The following LGALS16 variants were observed in gnomAD, a reference collection of about 807,000 sequenced individuals.
The protein encoded by LGALS16 is galectin-16.
Under a neutral mutation model 13.2 loss-of-function variants are expected in LGALS16, and 15 were observed. That is an observed-to-expected ratio of 1.13 (90% CI 0.76 to 1.75). The LOEUF (loss-of-function observed/expected upper bound fraction) is 1.75, where lower values mean the gene tolerates loss of function less well. LGALS16 is among the 40% of genes most tolerant of loss of function. The probability of loss-of-function intolerance (pLI) is 0.00; values close to 1 mark genes in which losing one functional copy is unlikely to be tolerated. For synonymous variants in LGALS16, 66 were observed against 65.4 expected (o/e 1.01, Z -0.05); for missense variants, 198 against 178.4 (o/e 1.11, Z -0.63).
At chr19:39,657,781 C>G in intron 1 of LGALS16, 102 bp from the exon 2 acceptor site, 1 of 1,305,322 alleles carries the variant, frequency 7.7e-7, no homozygotes, top group Non-Finnish European at 1.1e-6. Context: ...GTCCACAGAG[C>G]CTGCCCTGTG....
At chr19:39,656,687 G>C (rs375700061) in intron 1 of LGALS16, among the ~76,000 whole-genome samples, 2 of 152,072 alleles carry the variant, frequency 1.3e-5, no homozygotes, top group Admixed American at 6.5e-5. Flanking sequence ...GTGGGGAAGA[G>C]GAATGGAGAC....
At chr19:39,657,584 T>G (rs1395676722) in intron 1 of LGALS16, among the ~76,000 whole-genome samples, 1 of 152,166 alleles carries the variant, frequency 6.6e-6, no homozygotes, top group African/African-American at 2.4e-5. Flanking sequence ...TAGGAATTCA[T>G]GATAATCCTC....
chr19:39,660,189 G>A (rs1341028363), intron 3 of LGALS16, among the ~76,000 whole-genome samples: 1 of 151,894 alleles, frequency 6.6e-6, no homozygotes, highest in Non-Finnish European at 1.5e-5. Context: ...AACTTCACTA[G>A]ATAAGAGGAA....
In LGALS16 at chr19:39,660,638, C is replaced by A. The variant is rs1973250986; in HGVS notation, c.*118C>A. Reference sequence around the variant, plus strand: ...CCTACACTTGGTCATTAAAACAGCACCAAACCGTACATGATTTGGTTCTTG... The same window carrying A: ...CCTACACTTGGTCATTAAAACAGCAACAAACCGTACATGATTTGGTTCTTG... On this transcript the variant is annotated 3_prime_UTR_variant, in exon 4 of 4. Coordinates refer to ENST00000392051, the MANE Select transcript of LGALS16 (RefSeq NM_001190441.3). 1 of 840,304 alleles carries A rather than the reference C, an allele frequency of 1.2e-6. No homozygotes were observed. The highest frequency in any genetic ancestry group is 1.8e-6 in the Non-Finnish European group (1 of 546,252). The allele number at this position is 840,304 out of a possible 1,614,324, so 52.1% of individuals were successfully genotyped here.
Position 39,658,507 on chromosome 19 carries a change from A to G in LGALS16, c.140A>G (p.Asp47Gly), listed in dbSNP as rs1199777667. ...QVDFYTEMNE[D>G]SEIAFHLRVH... ...GATTTCTACACTGAGATGAATGAGG[A>G]CTCAGAAATTGCCTTCCATTTGCGA... The change falls in exon 3 of 4, where the codon GAC (aspartate) becomes GGC (glycine). Residue 47 changes from aspartate (D) to glycine (G), a missense_variant. Physicochemically the swap from Asp to Gly is moderately conservative, Grantham distance 94. Transcript: ENST00000392051. 19 of 1,605,942 alleles carry G rather than the reference A, an allele frequency of 1.2e-5. No homozygotes were observed. The highest frequency in any genetic ancestry group is 1.5e-5 in the Non-Finnish European group (18 of 1,177,956).
At chr19:39,658,184 T>A (rs1211496887) in intron 2 of LGALS16, among the ~76,000 whole-genome samples, 5 of 152,180 alleles carry the variant, frequency 3.3e-5, no homozygotes, top group Non-Finnish European at 4.4e-5. Flanking sequence ...GGGTTGGGAC[T>A]GTGGCTCTTT....
chr19:39,660,558 T>C lies in LGALS16; in HGVS notation c.*38T>C. ...TTGTTGAGGAAACCCTCTTTCTACC[T>C]GACCATGGGATTCCTAGAGCCTGCT... On this transcript the variant is annotated 3_prime_UTR_variant, in exon 4 of 4. Transcript: ENST00000392051. The C allele has an allele frequency of 2.0e-6, 3 of 1,537,090 alleles. No individual in the cohort carries two copies. The East Asian group carries it at 7.1e-5, about 36-fold the overall frequency.
chr19:39,659,498 C>T (rs985326782), intron 3 of LGALS16, among the ~76,000 whole-genome samples: 2 of 152,166 alleles, frequency 1.3e-5, no homozygotes, highest in Non-Finnish European at 1.5e-5. Flanking sequence ...GTTGGTTTTT[C>T]ATCAAAGAAT....
Position 39,660,614 on chromosome 19 carries a change from C to T in LGALS16, c.*94C>T. The T allele has an allele frequency of 9.2e-7, 1 of 1,087,328 alleles. No homozygotes were observed. The highest frequency in any genetic ancestry group is 1.4e-5 in the South Asian group (1 of 68,996). The allele number at this position is 1,087,328 out of a possible 1,614,324, so 67.4% of individuals were successfully genotyped here. On this transcript the variant is annotated 3_prime_UTR_variant, in exon 4 of 4. Transcript: ENST00000392051. ...AATAATCCCTCCTCAACCCCTTCCCCTACACTTGGTCATTAAAACAGCACC... is the reference window on the plus strand; with the variant it reads ...AATAATCCCTCCTCAACCCCTTCCCTTACACTTGGTCATTAAAACAGCACC...
chr19:39,656,328 A>T (rs751439905), intron 1 of LGALS16, among the ~76,000 whole-genome samples: 2 of 151,940 alleles, frequency 1.3e-5, no homozygotes, highest in Non-Finnish European at 2.9e-5. Context: ...TTGTGATGTG[A>T]GTGTGTGTTA....
chr19:39,659,809 G>C (rs926457228), intron 3 of LGALS16, among the ~76,000 whole-genome samples: 5 of 152,172 alleles, frequency 3.3e-5, no homozygotes, highest in African/African-American at 1.2e-4. Context: ...TAGGCCAAAA[G>C]ATTCACATCT....
At position 39,656,059 on chromosome 19, in the gene LGALS16, A is replaced by G. The variant is rs375221540; in HGVS notation, c.15+83A>G. On this transcript the variant is annotated intron_variant, in intron 1 of 3. Transcript: ENST00000392051. Reference sequence around the variant, plus strand: ...GTGGGGTATTTTATGAGATGAAAATATGAGCATTCCTACTGTGAATGCTTT... The same window carrying G: ...GTGGGGTATTTTATGAGATGAAAATGTGAGCATTCCTACTGTGAATGCTTT... 3.9e-5 allele frequency: 55 copies of G among 1,415,428 alleles called. No homozygotes were observed. In the East Asian group the frequency reaches 1.0e-3, roughly 26 times the overall value. The allele number at this position is 1,415,428 out of a possible 1,614,324, so 87.7% of individuals were successfully genotyped here. A position where few individuals can be genotyped will look rare whatever the true frequency, so the allele number is the denominator to read the frequency against.
In LGALS16 at chr19:39,660,281, T is replaced by G. The variant is rs1973244842; in HGVS notation, c.304-114T>G. The G allele has an allele frequency of 5.0e-6, 5 of 1,005,876 alleles. No individual in the cohort carries two copies. In the South Asian group the frequency reaches 7.9e-5, roughly 16 times the overall value. The allele number at this position is 1,005,876 out of a possible 1,614,324, so 62.3% of individuals were successfully genotyped here. A position where few individuals can be genotyped will look rare whatever the true frequency, so the allele number is the denominator to read the frequency against. ...CAGAAGTGTATCTACAACATTCGCT[T>G]GTATAACTAGGAGTTTTCTTGGGGA... is the stretch of plus-strand genomic sequence containing the variant. On this transcript the variant is annotated intron_variant, in intron 3 of 3. Transcript: ENST00000392051.
At chr19:39,657,041 T>A (rs1643057647) in intron 1 of LGALS16, among the ~76,000 whole-genome samples, 1 of 152,058 alleles carries the variant, frequency 6.6e-6, no homozygotes, top group Non-Finnish European at 1.5e-5. Context: ...GATGAGAGGA[T>A]AACTTGAGGC....
At chr19:39,657,528 G>A (rs1253299623) in intron 1 of LGALS16, among the ~76,000 whole-genome samples, 1 of 152,086 alleles carries the variant, frequency 6.6e-6, no homozygotes, top group East Asian at 1.9e-4. Flanking sequence ...TAGGGTAAAA[G>A]TTTTACATGT....
At chr19:39,657,805 T>G (rs189130937) in intron 1 of LGALS16, 78 bp from the exon 2 acceptor site, 11 of 1,522,936 alleles carry the variant, frequency 7.2e-6, no homozygotes, top group Admixed American at 1.7e-5. Context: ...TCTAACCTCC[T>G]GCACCATGGG....
rs147471254 is a variant in LGALS16 at position 39,658,585 on chromosome 19, T to C, written c.218T>C (p.Met73Thr). ...VMNSREFGIW[M>T]LEENLHYVPF... ...AACAGTCGTGAGTTTGGGATATGGA[T>C]GTTGGAGGAGAATTTACACTATGTG... is the stretch of plus-strand genomic sequence containing the variant. Residue 73 changes from methionine to threonine, a missense_variant, in exon 3 of 4, where the codon ATG becomes ACG. Transcript: ENST00000392051. 3.2e-4 allele frequency: 515 copies of C among 1,608,342 alleles called. 2 individuals are homozygous for C. In the African/African-American group the frequency reaches 6.3e-3, roughly 20 times the overall value.
chr19:39,656,051 A>G, intron 1 of LGALS16, 75 bp downstream of exon 1: 2 of 1,457,764 alleles, frequency 1.4e-6, no homozygotes, highest in South Asian at 1.2e-5. Context: ...ATTTTATGAG[A>G]TGAAAATATG....
chr19:39,657,313 T>G (rs1372343076), intron 1 of LGALS16, among the ~76,000 whole-genome samples: 1 of 152,144 alleles, frequency 6.6e-6, no homozygotes, highest in Non-Finnish European at 1.5e-5. Context: ...TAGAAATCAA[T>G]CATTCCCTCC....
Sources: gnomAD v4.1 joint callset for allele counts (sites outside exome capture counted in the v4.1 genomes callset) on GRCh38, gnomAD v4.1.1 for gene constraint, MANE v1.5 for transcripts, NCBI Gene and HGNC (gene_info 2026-07-23, HGNC 2026-07-21) for gene names.